MND1: variants seen among roughly 807,000 people sequenced by gnomAD.
MND1 encodes meiotic nuclear division protein 1 homolog.
MND1 carries 28 observed loss-of-function variants against 35.1 expected under a neutral mutation model. The ratio of observed to expected loss-of-function variants is 0.80; its 90% CI spans 0.59 to 1.09. The LOEUF is 1.09. Ranked by LOEUF, MND1 falls within the 50% of genes least tolerant of loss-of-function variation. The probability of loss-of-function intolerance (pLI) is 0.00; values close to 1 mark genes in which losing one functional copy is unlikely to be tolerated. For synonymous variants in MND1, 69 were observed against 70.5 expected (o/e 0.98, Z 0.11); for missense variants, 213 against 239.6 (o/e 0.89, Z 0.73).
intron 4 of MND1, among the ~76,000 whole-genome samples, chr4:153,381,186 A>C (rs62324667): frequency 0.13 from 20,008 of 152,094 alleles, 1,435 homozygotes; most frequent in Admixed American, 0.18. Context: ...GGTATCAGCC[A>C]CTGCGCCCGG....
chr4:153,369,184 A>G (rs1048114922), intron 4 of MND1, among the ~76,000 whole-genome samples: 1 of 152,192 alleles, frequency 6.6e-6, no homozygotes, highest in Non-Finnish European at 1.5e-5. Flanking sequence ...TCCTTACCAC[A>G]TGGTTTTCTC....
At chr4:153,349,568 C>T (rs1409053308) in intron 1 of MND1, among the ~76,000 whole-genome samples, 1 of 152,196 alleles carries the variant, frequency 6.6e-6, no homozygotes, top group Non-Finnish European at 1.5e-5. Flanking sequence ...CCATGTACTT[C>T]CATAACATTG....
chr4:153,372,977 T>C (rs1263685097), intron 4 of MND1, among the ~76,000 whole-genome samples: 1 of 152,166 alleles, frequency 6.6e-6, no homozygotes, highest in Non-Finnish European at 1.5e-5. Context: ...TGGTGTTACA[T>C]AGGAACTCTT....
chr4:153,398,947 T>C (rs1038264819), intron 6 of MND1, among the ~76,000 whole-genome samples: 13 of 152,192 alleles, frequency 8.5e-5, no homozygotes, highest in African/African-American at 3.1e-4. Flanking sequence ...ACTTAGAACA[T>C]TGTGTACCTT....
chr4:153,355,404 T>G (rs1274389219), intron 2 of MND1, among the ~76,000 whole-genome samples: 1 of 152,152 alleles, frequency 6.6e-6, no homozygotes, highest in African/African-American at 2.4e-5. Context: ...TAATATATTG[T>G]ATATTTAAAA....
intron 3 of MND1, among the ~76,000 whole-genome samples, chr4:153,356,764 T>C (rs1247794146): frequency 6.6e-6 from 1 of 151,900 alleles, no homozygotes; most frequent in Non-Finnish European, 1.5e-5. Context: ...ATTTTTCTCA[T>C]ATATTGGCCA....
chr4:153,361,837 A>G (rs1302163918), intron 4 of MND1, among the ~76,000 whole-genome samples: 2 of 140,526 alleles, frequency 1.4e-5, no homozygotes, highest in African/African-American at 5.6e-5. Flanking sequence ...GACTCAAAAA[A>G]AAAGAAAAAA....
chr4:153,379,090 C>T (rs1728591364), intron 4 of MND1, among the ~76,000 whole-genome samples: 1 of 151,882 alleles, frequency 6.6e-6, no homozygotes, highest in Non-Finnish European at 1.5e-5. Flanking sequence ...GGACTGAGAC[C>T]ATCCTGGCTA....
At chr4:153,411,863 A>T (rs892980938) in intron 7 of MND1, among the ~76,000 whole-genome samples, 2 of 151,932 alleles carry the variant, frequency 1.3e-5, no homozygotes, top group African/African-American at 2.4e-5. Flanking sequence ...GTAATAAATT[A>T]TTTTTTTTCA....
chr4:153,351,963 A>G (rs1773225891), intron 2 of MND1, among the ~76,000 whole-genome samples: 1 of 152,208 alleles, frequency 6.6e-6, no homozygotes, highest in South Asian at 2.1e-4. Flanking sequence ...TCAAATTAGA[A>G]AATCAACTAA....
chr4:153,380,727 G>A (rs1728653427), intron 4 of MND1, among the ~76,000 whole-genome samples: 1 of 151,940 alleles, frequency 6.6e-6, no homozygotes, highest in Non-Finnish European at 1.5e-5. Context: ...TGTTGACCTG[G>A]ATAATCCAGA....
upstream of MND1, chr4:153,344,653 G>C (rs529041518): frequency 2.4e-6 from 3 of 1,267,806 alleles, no homozygotes; most frequent in Non-Finnish European, 3.3e-6. Flanking sequence ...CGGCGTAGTC[G>C]GCGCCAAAAT....
chr4:153,412,805 T>C (rs1204398169), intron 7 of MND1, among the ~76,000 whole-genome samples: 2 of 149,202 alleles, frequency 1.3e-5, no homozygotes. Flanking sequence ...TTCTTCTTTT[T>C]TTTCTTTTTT....
At chr4:153,394,752 A>T (rs1289178038) in intron 5 of MND1, among the ~76,000 whole-genome samples, 2 of 152,124 alleles carry the variant, frequency 1.3e-5, no homozygotes, top group African/African-American at 2.4e-5. Flanking sequence ...AGACTCTTTT[A>T]AAAAAAATTT....
At chr4:153,367,037 T>C (rs1488461928) in intron 4 of MND1, among the ~76,000 whole-genome samples, 6 of 152,274 alleles carry the variant, frequency 3.9e-5, no homozygotes, top group African/African-American at 1.4e-4. Flanking sequence ...CCTCTCCCCT[T>C]GGCTGCCAGA....
At chr4:153,364,826 C>T (rs562146727) in intron 4 of MND1, among the ~76,000 whole-genome samples, 6 of 152,172 alleles carry the variant, frequency 3.9e-5, no homozygotes, top group Non-Finnish European at 8.8e-5. Flanking sequence ...ATTCTCCAGC[C>T]TTAGCCTCCT....
chr4:153,404,898 T>G (rs1729452515), intron 6 of MND1, among the ~76,000 whole-genome samples: 1 of 152,126 alleles, frequency 6.6e-6, no homozygotes, highest in Admixed American at 6.5e-5. Context: ...GGCTAATTTT[T>G]TTTTTATTAT....
chr4:153,395,596 A>G (rs1174850042), intron 5 of MND1, among the ~76,000 whole-genome samples: 1 of 152,170 alleles, frequency 6.6e-6, no homozygotes, highest in East Asian at 1.9e-4. Flanking sequence ...AAGAAGAAAA[A>G]TAGCTAACGT....
At chr4:153,346,321 A>G (rs751792397) in intron 1 of MND1, among the ~76,000 whole-genome samples, 1 of 152,198 alleles carries the variant, frequency 6.6e-6, no homozygotes, top group Non-Finnish European at 1.5e-5. Flanking sequence ...TAGGAATTCC[A>G]TAACTTCTAA....
Sources: gnomAD v4.1 joint callset for allele counts (sites outside exome capture counted in the v4.1 genomes callset) on GRCh38, gnomAD v4.1.1 for gene constraint, MANE v1.5 for transcripts, NCBI Gene and HGNC (gene_info 2026-07-23, HGNC 2026-07-21) for gene names.